ARHGEF10L: variants seen among roughly 807,000 people sequenced by gnomAD.
The protein encoded by ARHGEF10L is Rho guanine nucleotide exchange factor 10 like, also known as rho guanine nucleotide exchange factor 10-like protein.
ARHGEF10L carries 69 observed loss-of-function variants against 141.2 expected under a neutral mutation model. That is an observed-to-expected ratio of 0.49 (90% CI 0.40 to 0.60). ARHGEF10L has a LOEUF of 0.60. ARHGEF10L is among the 20% of genes least tolerant of loss of function. ARHGEF10L has a pLI of 0.00. For missense variants in ARHGEF10L, 1,482 were observed against 1,734.3 expected (o/e 0.85, Z 2.58); for synonymous variants, 711 against 718.5 (o/e 0.99, Z 0.17).
chr1:17,654,495 C>G lies in ARHGEF10L; in HGVS notation c.2395-141C>G. On this transcript the variant is annotated intron_variant, in intron 22 of 28. Coordinates refer to ENST00000361221, the MANE Select transcript of ARHGEF10L (RefSeq NM_018125.4). The surrounding 1 kb of genome is among the most constrained non-coding windows in gnomAD (Gnocchi z 4.3). ...GGAACTGCCTGGAGAAGCAGGCACT[C>G]GTGAAGCATGTTGCTTTCCTGGCCC... 2 of 766,718 alleles carry G rather than the reference C, an allele frequency of 2.6e-6. No homozygotes were observed. The highest frequency in any genetic ancestry group is 1.4e-5 in the South Asian group (1 of 69,356). 47.5% of individuals were successfully genotyped at this position (766,718 alleles called of 1,614,324 possible). A position where few individuals can be genotyped will look rare whatever the true frequency, so the allele number is the denominator to read the frequency against.
intron 9 of ARHGEF10L, chr1:17,618,294 T>C: frequency 6.8e-7 from 1 of 1,462,676 alleles, no homozygotes; most frequent in Admixed American, 2.4e-5. Context: ...CTTCCTGAAG[T>C]GACCCTCCCT....
intron 1 of ARHGEF10L, among the ~76,000 whole-genome samples, chr1:17,548,610 T>C (rs1296824774): frequency 6.6e-6 from 1 of 151,668 alleles, no homozygotes; most frequent in Admixed American, 6.6e-5. Flanking sequence ...CTTCCTGTAT[T>C]GGCTGCTGCT....
chr1:17,668,092 G>A (rs1322844783), intron 26 of ARHGEF10L, among the ~76,000 whole-genome samples: 3 of 152,226 alleles, frequency 2.0e-5, no homozygotes, highest in Non-Finnish European at 2.9e-5. Context: ...AGGACAAACC[G>A]AGAACATTCA....
intron 13 of ARHGEF10L, 139 bp downstream of exon 13, chr1:17,624,642 C>T (rs1045139650): frequency 1.4e-6 from 1 of 706,880 alleles, no homozygotes. Context: ...TTTGGGGCAG[C>T]CCAGTCCCAT....
intron 2 of ARHGEF10L, among the ~76,000 whole-genome samples, chr1:17,582,205 G>A (rs1194597882): frequency 6.6e-6 from 1 of 152,044 alleles, no homozygotes; most frequent in African/African-American, 2.4e-5. Context: ...CTGGGATTTG[G>A]GTCCCAGCAT....
At chr1:17,539,623 G>A (rs1257131781), upstream of ARHGEF10L, among the ~76,000 whole-genome samples, 1 of 150,870 alleles carries the variant, frequency 6.6e-6, no homozygotes, top group African/African-American at 2.4e-5. The surrounding 1 kb of genome is among the most constrained non-coding windows in gnomAD (Gnocchi z 6.0). Flanking sequence ...CGCGGCGGCC[G>A]CTGCCCCGGC....
chr1:17,660,485 A>G (rs1571337333), intron 25 of ARHGEF10L, among the ~76,000 whole-genome samples: 1 of 151,980 alleles, frequency 6.6e-6, no homozygotes, highest in African/African-American at 2.4e-5. Context: ...GAGGATTGGC[A>G]CCTCCCACGT....
intron 4 of ARHGEF10L, among the ~76,000 whole-genome samples, chr1:17,598,426 A>G (rs2080321198): frequency 6.6e-6 from 1 of 152,216 alleles, no homozygotes. Context: ...CTCACAGTTC[A>G]CAAGGCTGGG....
chr1:17,572,322 T>G (rs1184608197), intron 1 of ARHGEF10L, among the ~76,000 whole-genome samples: 5 of 152,140 alleles, frequency 3.3e-5, no homozygotes, highest in Non-Finnish European at 5.9e-5. Context: ...GGTAGAAAAC[T>G]CTGCAGGCAT....
At chr1:17,613,547 C>T (rs1488155141) in intron 8 of ARHGEF10L, among the ~76,000 whole-genome samples, 1 of 151,948 alleles carries the variant, frequency 6.6e-6, no homozygotes, top group Admixed American at 6.6e-5. Context: ...AGGTCTGGGA[C>T]GAGGCTCAGG....
At position 17,625,787 on chromosome 1, in the gene ARHGEF10L, C is replaced by T. The variant is rs1271333116; in HGVS notation, c.1318-169C>T. Among the ~76,000 whole-genome samples the T allele has an allele frequency of 1.3e-5, 2 of 152,140 alleles. No homozygotes were observed. The highest frequency in any genetic ancestry group is 3.9e-4 in the East Asian group (2 of 5,188). ...GCAGGGGCACTGGTGGGAGAGGGAT[C>T]CCTGGCTGCAGAACCACGGACCTCT... On this transcript the variant is annotated intron_variant, in intron 13 of 28. Coordinates refer to ENST00000361221, the MANE Select transcript of ARHGEF10L (RefSeq NM_018125.4). This position sits in a 1 kb window ranked among gnomAD's most constrained non-coding sequence, Gnocchi z 4.5.
intron 15 of ARHGEF10L, among the ~76,000 whole-genome samples, chr1:17,629,137 C>T (rs1389123242): frequency 6.6e-6 from 1 of 152,128 alleles, no homozygotes; most frequent in African/African-American, 2.4e-5. Context: ...CCTCCTGCCT[C>T]AGCCTCTTGA....
chr1:17,623,167 G>C lies in ARHGEF10L; in HGVS notation c.1192G>C (p.Val398Leu). The C allele has an allele frequency of 1.2e-6, 2 of 1,612,382 alleles. No individual in the cohort carries two copies. Among genetic ancestry groups the C allele is most frequent in the Non-Finnish European group, 1.7e-6 (2 of 1,179,332 alleles). The change falls in exon 12 of 29, where the codon GTG becomes CTG. Residue 398 changes from valine to leucine, a missense_variant. Transcript: ENST00000361221. The surrounding 1 kb of genome is among the most constrained non-coding windows in gnomAD (Gnocchi z 4.7). ...DSTEKIGDLF[V>L]ASFSKSMVLD... The stretch of plus-strand genomic sequence containing the variant: ...CACCGAGAAGATCGGGGACCTCTTC[G>C]TGGCCTCGGTAAGTGTCCCCAAACT...
chr1:17,671,771 G>A (rs1423476803), intron 26 of ARHGEF10L, among the ~76,000 whole-genome samples: 1 of 152,192 alleles, frequency 6.6e-6, no homozygotes, highest in East Asian at 1.9e-4. Flanking sequence ...TCCTGGGGCC[G>A]GTTATGGGAT....
intron 16 of ARHGEF10L, among the ~76,000 whole-genome samples, chr1:17,633,843 AT>A (rs1343119283): frequency 6.6e-6 from 1 of 151,952 alleles, no homozygotes; most frequent in Admixed American, 6.6e-5. Context: ...AGGTTTGGGG[AT>A]TTTCCATGGT....
chr1:17,572,278 C>T (rs2078035874), intron 1 of ARHGEF10L, among the ~76,000 whole-genome samples: 1 of 152,206 alleles, frequency 6.6e-6, no homozygotes, highest in Non-Finnish European at 1.5e-5. Context: ...CCCTCCTCAG[C>T]CCCCTGCTCC....
rs555319114 is a variant in ARHGEF10L at position 17,660,720 on chromosome 1, A to G, written c.2861-3727A>G. 2.8e-4 allele frequency among the ~76,000 whole-genome samples: 42 copies of G among 152,304 alleles called. No homozygotes were observed. In the East Asian group the frequency reaches 6.2e-3, roughly 22 times the overall value. On this transcript the variant is annotated intron_variant, in intron 25 of 28. Transcript: ENST00000361221. ...GTGCCTTTGCTGAGACAGGGCCTTCATCTCCCTGGCGCTGGCCACAAGAGC... is the reference window on the plus strand; with the variant it reads ...GTGCCTTTGCTGAGACAGGGCCTTCGTCTCCCTGGCGCTGGCCACAAGAGC...
At position 17,573,881 on chromosome 1, in the gene ARHGEF10L, G is replaced by C. The variant is rs116962471; in HGVS notation, c.-43-6672G>C. ...CTGGGCTCAGGACAGAGTCTCCATT[G>C]TCTGAGGCTCCAGCCATTGACCAAA... On this transcript the variant is annotated intron_variant, in intron 1 of 28. Transcript: ENST00000361221. This position sits in a 1 kb window ranked among gnomAD's most constrained non-coding sequence, Gnocchi z 4.8. Among the ~76,000 whole-genome samples the C allele has an allele frequency of 0.02, 3,119 of 152,200 alleles. 57 individuals are homozygous for C. Among genetic ancestry groups the C allele is most frequent in the East Asian group, 0.083 (427 of 5,140 alleles).
chr1:17,696,798 T>C (rs1442053960), intron 28 of ARHGEF10L, 50 bp from the exon 29 acceptor site: 1 of 1,493,248 alleles, frequency 6.7e-7, no homozygotes, highest in African/African-American at 1.4e-5. Flanking sequence ...GTGCTTCCCT[T>C]AATGCGCTGG....
Sources: allele counts gnomAD v4.1 joint callset (sites outside exome capture counted in the v4.1 genomes callset), GRCh38; gene constraint gnomAD v4.1.1; non-coding constraint Gnocchi (gnomAD v3.1); transcripts MANE v1.5; gene names NCBI Gene and HGNC (gene_info 2026-07-23, HGNC 2026-07-21).